The following TAF4B variants were observed in gnomAD, a reference collection of about 807,000 sequenced individuals.
TAF4B encodes TATA-box binding protein associated factor 4b.
Under a neutral mutation model 86.4 loss-of-function variants are expected in TAF4B, and 38 were observed. The observed-to-expected ratio is 0.44, with a 90% CI of 0.34 to 0.58. TAF4B has a LOEUF of 0.58. Ranked by LOEUF, TAF4B falls within the 20% of genes least tolerant of loss-of-function variation. The probability of loss-of-function intolerance (pLI) is 0.02; values close to 1 mark genes in which losing one functional copy is unlikely to be tolerated. For synonymous variants in TAF4B, 388 were observed against 391.2 expected (o/e 0.99, Z 0.10); for missense variants, 988 against 1,027.6 (o/e 0.96, Z 0.53).
At chr18:26,298,354 G>A (rs1001005357) in intron 9 of TAF4B, among the ~76,000 whole-genome samples, 5 of 151,532 alleles carry the variant, frequency 3.3e-5, no homozygotes, top group African/African-American at 1.2e-4. Context: ...TCAGCCTCCC[G>A]GGTAGCTGGG....
At chr18:26,282,151 A>G (rs1449734533) in intron 6 of TAF4B, 91 bp downstream of exon 6, 1 of 1,068,458 alleles carries the variant, frequency 9.4e-7, no homozygotes, top group Non-Finnish European at 1.4e-6. Flanking sequence ...ACAGCAATTG[A>G]ATGTGAAGAT....
At chr18:26,354,006 G>C (rs1481852250) in intron 13 of TAF4B, among the ~76,000 whole-genome samples, 2 of 152,012 alleles carry the variant, frequency 1.3e-5, no homozygotes, top group African/African-American at 2.4e-5. Flanking sequence ...TTTTTATAAG[G>C]TGTGAGGTTT....
chr18:26,327,965 C>T (rs2057018307), intron 12 of TAF4B, among the ~76,000 whole-genome samples: 2 of 152,308 alleles, frequency 1.3e-5, no homozygotes, highest in South Asian at 4.1e-4. Context: ...AAAGCTAATT[C>T]CACTACAGTT....
At chr18:26,346,741 ATATATATATATATGTGTG>A (rs1270011010) in intron 13 of TAF4B, among the ~76,000 whole-genome samples, 19 of 57,892 alleles carry the variant, frequency 3.3e-4, no homozygotes, top group African/African-American at 9.6e-4. Context: ...AGCCAAGAAT[ATATATATATATATGTGTG>A]TATATATATA....
At chr18:26,330,441 T>C (rs1173645868) in intron 12 of TAF4B, among the ~76,000 whole-genome samples, 1 of 152,144 alleles carries the variant, frequency 6.6e-6, no homozygotes, top group East Asian at 1.9e-4. Flanking sequence ...CTTATACTTT[T>C]CGTGCTCTAG....
chr18:26,270,338 G>A lies in TAF4B; in HGVS notation c.597+2715G>A, dbSNP rs113952783. On this transcript the variant is annotated intron_variant, in intron 3 of 14. Coordinates refer to ENST00000269142, the MANE Select transcript of TAF4B (RefSeq NM_005640.3). ...ATCCATGGGCTTTAATTTGTCCCCT[G>A]CCAGCTACAGCCACAATTCTATTTC... Among the ~76,000 whole-genome samples, 37 of 152,120 alleles carry A rather than the reference G, an allele frequency of 2.4e-4. 1 individual carries two copies. Among genetic ancestry groups the A allele is most frequent in the Non-Finnish European group, 7.4e-5 (5 of 68,024 alleles).
At chr18:26,319,317 C>T (rs551711639) in intron 10 of TAF4B, among the ~76,000 whole-genome samples, 2 of 151,870 alleles carry the variant, frequency 1.3e-5, no homozygotes, top group East Asian at 2.0e-4. Flanking sequence ...CATGGTGAAA[C>T]GCCATCTCTA....
chr18:26,265,156 T>C lies in TAF4B; in HGVS notation c.344-14T>C, dbSNP rs773755213. The C allele has an allele frequency of 1.7e-5, 27 of 1,601,260 alleles. No individual in the cohort carries two copies. The highest frequency in any genetic ancestry group is 2.2e-5 in the East Asian group (1 of 44,812). ...GTGGCTCAGAGGTCACTTTTTTTTCTTTTTTAAATATAGGAACCGTTTTGA... is the reference window on the plus strand; with the variant it reads ...GTGGCTCAGAGGTCACTTTTTTTTCCTTTTTAAATATAGGAACCGTTTTGA... On this transcript the variant is annotated splice_polypyrimidine_tract_variant and intron_variant, in intron 1 of 14. Coordinates refer to ENST00000269142, the MANE Select transcript of TAF4B (RefSeq NM_005640.3).
chr18:26,251,115 G>C (rs1014221386), intron 1 of TAF4B, among the ~76,000 whole-genome samples: 1 of 152,210 alleles, frequency 6.6e-6, no homozygotes, highest in Non-Finnish European at 1.5e-5. Flanking sequence ...GGAAATGAGA[G>C]TGGGCTTATT....
At chr18:26,368,927 TAGAG>T (rs1285888244) in intron 14 of TAF4B, among the ~76,000 whole-genome samples, 3 of 152,090 alleles carry the variant, frequency 2.0e-5, no homozygotes, top group South Asian at 2.1e-4. Flanking sequence ...AAGTCCCACA[TAGAG>T]AGGCTGAAAA....
chr18:26,333,228 TA>T (rs1307027866), intron 12 of TAF4B, among the ~76,000 whole-genome samples: 4 of 151,420 alleles, frequency 2.6e-5, no homozygotes, highest in African/African-American at 9.7e-5. Context: ...TTATTATTAT[TA>T]TTTTTTTTGG....
chr18:26,271,917 A>G (rs1598744780), intron 3 of TAF4B, among the ~76,000 whole-genome samples: 1 of 137,378 alleles, frequency 7.3e-6, no homozygotes, highest in East Asian at 2.1e-4. Context: ...ACAGAGCCAG[A>G]CTCCGTCTCA....
At chr18:26,267,368 T>C (rs2056253940) in intron 2 of TAF4B, 148 bp from the exon 3 acceptor site, 3 of 574,296 alleles carry the variant, frequency 5.2e-6, no homozygotes, top group Non-Finnish European at 9.4e-6. Flanking sequence ...GTTTATAGTA[T>C]AGAATGTGCA....
chr18:26,286,000 C>T lies in TAF4B; in HGVS notation c.1091C>T (p.Ser364Phe), dbSNP rs1392544277. Reference protein sequence around the residue: ...IATCTTTVTTSPVVTTTVSSS... With the variant: ...IATCTTTVTTFPVVTTTVSSS... The stretch of plus-strand genomic sequence containing the variant: ...ACCTGTACTACAACAGTAACAACTT[C>T]TCCTGTGGTGACAACTACAGTGTCC... Residue 364 changes from serine to phenylalanine, a missense_variant, in exon 7 of 15, where the codon TCT becomes TTT. Transcript: ENST00000269142. 1 of 1,614,246 alleles carries T rather than the reference C, an allele frequency of 6.2e-7. No individual in the cohort carries two copies. The highest frequency in any genetic ancestry group is 1.7e-5 in the Admixed American group (1 of 60,032).
intron 14 of TAF4B, among the ~76,000 whole-genome samples, chr18:26,386,456 TA>T (rs1350781927): frequency 1.3e-5 from 2 of 152,176 alleles, no homozygotes; most frequent in African/African-American, 4.8e-5. Flanking sequence ...ATATAGAAAG[TA>T]CACAAGTCAT....
intron 13 of TAF4B, among the ~76,000 whole-genome samples, chr18:26,344,857 C>A (rs1432674448): frequency 1.3e-5 from 2 of 152,064 alleles, no homozygotes; most frequent in African/African-American, 4.8e-5. Context: ...GATTAGAAAT[C>A]CAGGAGGGCA....
chr18:26,298,987 G>A (rs112522091), intron 9 of TAF4B, among the ~76,000 whole-genome samples: 8,496 of 149,470 alleles, frequency 0.057, 395 homozygotes, highest in Admixed American at 0.12. Flanking sequence ...TCAGCCTCCC[G>A]AGTAGCTGGG....
In TAF4B at chr18:26,391,242, G is replaced by A. The variant is rs1333591660; in HGVS notation, c.*1230G>A. 1 of 150,964 alleles carries A rather than the reference G, an allele frequency of 6.6e-6. No homozygotes were observed. Among genetic ancestry groups the A allele is most frequent in the African/African-American group, 2.4e-5 (1 of 41,122 alleles). The allele number at this position is 150,964 out of a possible 1,614,324, so 9.4% of individuals were successfully genotyped here. A position where few individuals can be genotyped will look rare whatever the true frequency, so the allele number is the denominator to read the frequency against. ...AAAAAAAAAAGAAAATTCCACGTGT[G>A]TGGAATACAGCCGGTGAAAAATAAT... On this transcript the variant is annotated 3_prime_UTR_variant, in exon 15 of 15. Coordinates refer to ENST00000269142, the MANE Select transcript of TAF4B (RefSeq NM_005640.3).
chr18:26,236,012 TG>T (rs1314720003), intron 1 of TAF4B, among the ~76,000 whole-genome samples: 2 of 152,188 alleles, frequency 1.3e-5, no homozygotes, highest in Non-Finnish European at 2.9e-5. Flanking sequence ...ATATTGCCTT[TG>T]ATAAGGAAAA....
Sources: gnomAD v4.1 joint callset for allele counts (sites outside exome capture counted in the v4.1 genomes callset) on GRCh38, gnomAD v4.1.1 for gene constraint, MANE v1.5 for transcripts, NCBI Gene and HGNC (gene_info 2026-07-23, HGNC 2026-07-21) for gene names.